Variants in CACNA2D1 observed in about 807,000 individuals in gnomAD.
CACNA2D1 encodes the protein calcium voltage-gated channel auxiliary subunit alpha2delta 1.
Under a neutral mutation model 171.5 loss-of-function variants are expected in CACNA2D1, and 53 were observed. The ratio of observed to expected loss-of-function variants is 0.31; its 90% CI spans 0.25 to 0.39. The LOEUF is 0.39. Among genes scored for constraint, CACNA2D1 ranks in the 10% least tolerant of loss-of-function variants. CACNA2D1 has a pLI of 1.00. For synonymous variants in CACNA2D1, 442 were observed against 443.1 expected, an observed-to-expected ratio of 1.00 and a Z score of 0.03; for missense variants, 903 against 1,299.8, an observed-to-expected ratio of 0.69 and a Z score of 4.69.
At chr7:82,131,938 G>A (rs1791028135) in intron 5 of CACNA2D1, among the ~76,000 whole-genome samples, 1 of 151,974 alleles carries the variant, frequency 6.6e-6, no homozygotes, top group African/African-American at 2.4e-5. Context: ...TTTTGGTGAG[G>A]GTGAGTAAAT....
chr7:82,264,208 C>T (rs553510463), intron 3 of CACNA2D1, among the ~76,000 whole-genome samples: 10 of 152,066 alleles, frequency 6.6e-5, no homozygotes, highest in South Asian at 4.1e-4. Context: ...CTTAATGATA[C>T]CCATGTGTGT....
At chr7:82,090,524 AT>A (rs756194745) in intron 6 of CACNA2D1, among the ~76,000 whole-genome samples, 21 of 152,178 alleles carry the variant, frequency 1.4e-4, no homozygotes, top group Admixed American at 2.6e-4. Context: ...AAAAATTAGC[AT>A]GTTATTTAAA....
chr7:82,426,300 T>C (rs761382001), intron 1 of CACNA2D1, among the ~76,000 whole-genome samples: 3 of 152,120 alleles, frequency 2.0e-5, no homozygotes, highest in Non-Finnish European at 4.4e-5. Context: ...ATCTAACATG[T>C]ATTTCTAACT....
chr7:82,362,538 T>A (rs899081638), intron 1 of CACNA2D1, among the ~76,000 whole-genome samples: 4 of 152,154 alleles, frequency 2.6e-5, no homozygotes, highest in Non-Finnish European at 5.9e-5. Flanking sequence ...CACTACCTGT[T>A]TTAGGTCACC....
chr7:82,337,974 T>C (rs1170120145), intron 2 of CACNA2D1, among the ~76,000 whole-genome samples: 1 of 152,190 alleles, frequency 6.6e-6, no homozygotes, highest in Non-Finnish European at 1.5e-5. Context: ...TTCTCTGTGA[T>C]GACAACCTAG....
intron 1 of CACNA2D1, among the ~76,000 whole-genome samples, chr7:82,421,203 T>G (rs1269439085): frequency 6.6e-6 from 1 of 152,200 alleles, no homozygotes; most frequent in Non-Finnish European, 1.5e-5. Flanking sequence ...GGGGAAAACC[T>G]CAGGAAGCAT....
In CACNA2D1 at chr7:82,012,254, G is replaced by T; in HGVS notation, c.1273-11C>A. 1 of 1,223,358 alleles carries T rather than the reference G, an allele frequency of 8.2e-7. No homozygotes were observed. Among genetic ancestry groups the T allele is most frequent in the Non-Finnish European group, 1.2e-6 (1 of 854,938 alleles). The allele number at this position is 1,223,358 out of a possible 1,614,324, so 75.8% of individuals were successfully genotyped here. A position where few individuals can be genotyped will look rare whatever the true frequency, so the allele number is the denominator to read the frequency against. The stretch of plus-strand genomic sequence containing the variant: ...AACATCCAAATATTCCTGTTTATGG[G>T]AAAAAAAAAAAAAGTCGTGGTTAAA... On this transcript the variant is annotated splice_polypyrimidine_tract_variant and intron_variant, in intron 14 of 38. Coordinates refer to ENST00000356860, the MANE Select transcript of CACNA2D1 (RefSeq NM_000722.4).
chr7:81,959,822 G>A lies in CACNA2D1; in HGVS notation c.2974C>T (p.His992Tyr), dbSNP rs1441701658. ...TTGGTGTTCATAAGCTTTTCTCCATGAAAGATTCTGCAAAATAAATATGGT... is the reference window on the plus strand; with the variant it reads ...TTGGTGTTCATAAGCTTTTCTCCATAAAAGATTCTGCAAAATAAATATGGT... The part of the protein sequence containing the change: ...LDCGNCSRIF[H>Y]GEKLMNTNLI... Residue 992 changes from histidine to tyrosine, a missense_variant, in exon 37 of 39, where the codon CAT (histidine) becomes TAT (tyrosine). His to Tyr is a moderately conservative substitution (Grantham distance 83). Transcript: ENST00000356860. The A allele has an allele frequency of 1.2e-6, 2 of 1,611,606 alleles. No homozygotes were observed. Among genetic ancestry groups the A allele is most frequent in the Non-Finnish European group, 1.7e-6 (2 of 1,178,656 alleles).
intron 3 of CACNA2D1, among the ~76,000 whole-genome samples, chr7:82,286,324 T>A (rs1810763254): frequency 6.6e-6 from 1 of 152,108 alleles, no homozygotes; most frequent in South Asian, 2.1e-4. Flanking sequence ...TCTCTTACCC[T>A]CATACTCGCT....
At chr7:82,226,756 G>T (rs1802407755) in intron 3 of CACNA2D1, among the ~76,000 whole-genome samples, 1 of 152,118 alleles carries the variant, frequency 6.6e-6, no homozygotes, top group South Asian at 2.1e-4. Context: ...AAGTATCTTA[G>T]CGACTGTTTT....
At chr7:82,270,914 T>TC (rs1421094571) in intron 3 of CACNA2D1, among the ~76,000 whole-genome samples, 1 of 152,154 alleles carries the variant, frequency 6.6e-6, no homozygotes, top group Admixed American at 6.5e-5. Flanking sequence ...CATAATCATC[T>TC]TTCTTGAACT....
intron 3 of CACNA2D1, among the ~76,000 whole-genome samples, chr7:82,270,653 G>A (rs1585286745): frequency 6.6e-6 from 1 of 152,160 alleles, no homozygotes; most frequent in East Asian, 1.9e-4. Context: ...TCTGTGAAAT[G>A]GATATCCACA....
chr7:82,231,907 C>G (rs756081154), intron 3 of CACNA2D1, among the ~76,000 whole-genome samples: 3 of 151,910 alleles, frequency 2.0e-5, no homozygotes, highest in Non-Finnish European at 4.4e-5. Flanking sequence ...TTTACTCTTC[C>G]CCAAGGAACA....
intron 1 of CACNA2D1, among the ~76,000 whole-genome samples, chr7:82,353,815 T>C (rs938712847): frequency 1.3e-5 from 2 of 152,024 alleles, no homozygotes; most frequent in Admixed American, 6.6e-5. Context: ...CCTATTTCTA[T>C]GCAAAAAGAG....
intron 2 of CACNA2D1, 152 bp downstream of exon 2, chr7:82,349,416 G>T (rs1819598792): frequency 1.4e-6 from 1 of 731,054 alleles, no homozygotes; most frequent in African/African-American, 1.7e-5. Flanking sequence ...ACAGTAACTA[G>T]CAGTACCAAT....
In CACNA2D1 at chr7:82,379,838, C is replaced by CTA. The variant is rs563043714; in HGVS notation, c.96-30191_96-30190dup. ...TCATGTGTACTATTGTCCTCTCTTC[C>CTA]TATATATATCCATCTTTCTTTCTCT... On this transcript the variant is annotated intron_variant, in intron 1 of 38. Coordinates refer to ENST00000356860, the MANE Select transcript of CACNA2D1 (RefSeq NM_000722.4). 4.3e-4 allele frequency among the ~76,000 whole-genome samples: 66 copies of CTA among 152,176 alleles called. 1 individual carries two copies. In the East Asian group the frequency reaches 5.2e-3, roughly 12 times the overall value.
At chr7:82,176,111 GAGA>G (rs1293058745) in intron 3 of CACNA2D1, among the ~76,000 whole-genome samples, 2 of 151,976 alleles carry the variant, frequency 1.3e-5, no homozygotes, top group African/African-American at 2.4e-5. Flanking sequence ...TAAGAAAGCA[GAGA>G]AGATCATTGT....
At chr7:82,413,275 A>G (rs1585874255) in intron 1 of CACNA2D1, among the ~76,000 whole-genome samples, 2 of 152,204 alleles carry the variant, frequency 1.3e-5, no homozygotes, top group African/African-American at 4.8e-5. Flanking sequence ...CATCTCTAAT[A>G]TTTAACATTT....
chr7:82,432,538 C>T (rs1585944046), intron 1 of CACNA2D1, among the ~76,000 whole-genome samples: 1 of 152,176 alleles, frequency 6.6e-6, no homozygotes, highest in East Asian at 1.9e-4. Context: ...TAGAGATGAG[C>T]CTATGTTGCC....
Sources: allele counts gnomAD v4.1 joint callset (sites outside exome capture counted in the v4.1 genomes callset), GRCh38; gene constraint gnomAD v4.1.1; transcripts MANE v1.5; gene names NCBI Gene and HGNC (gene_info 2026-07-23, HGNC 2026-07-21).